ZFAT: variants seen among roughly 807,000 people sequenced by gnomAD.
The protein encoded by ZFAT is zinc finger protein ZFAT.
A neutral mutation model predicts 117.7 loss-of-function variants in ZFAT; 64 were observed. The ratio of observed to expected loss-of-function variants is 0.54; its 90% CI spans 0.44 to 0.67. The LOEUF (loss-of-function observed/expected upper bound fraction) is 0.67, where lower values mean the gene tolerates loss of function less well. Among genes scored for constraint, ZFAT ranks in the 30% least tolerant of loss-of-function variants. ZFAT has a pLI of 0.00. For synonymous variants in ZFAT, 679 were observed against 615.0 expected (o/e 1.10, Z -1.54); for missense variants, 1,433 against 1,584.5 (o/e 0.90, Z 1.62).
chr8:134,754,606 C>A, the ZFAT span, among the ~76,000 whole-genome samples: 39 of 152,234 alleles, frequency 2.6e-4, no homozygotes, highest in Non-Finnish European at 5.1e-4. Context: ...GTCTTGCCTG[C>A]CGTCAATTTT....
the ZFAT span, among the ~76,000 whole-genome samples, chr8:134,730,687 G>T: frequency 6.6e-6 from 1 of 152,118 alleles, no homozygotes; most frequent in African/African-American, 2.4e-5. Flanking sequence ...CAAATTATTG[G>T]AGTTCAAATG....
rs1053294700 is a variant in ZFAT at position 134,565,680 on chromosome 8, G to A, written c.2888-259C>T. On this transcript the variant is annotated intron_variant, in intron 10 of 15. Transcript: ENST00000377838. ...GGAGGCCCCATGAGCAATGACATTC[G>A]ATCAGGCTCCTAAAGAAAGAGTAAG... 1.0e-5 allele frequency: 6 copies of A among 579,456 alleles called. No individual in the cohort carries two copies. In the East Asian group the frequency reaches 1.9e-4, roughly 18 times the overall value. The allele number at this position is 579,456 out of a possible 1,614,324, so 35.9% of individuals were successfully genotyped here. A position where few individuals can be genotyped will look rare whatever the true frequency, so the allele number is the denominator to read the frequency against.
At chr8:134,804,623 A>C in the ZFAT span, among the ~76,000 whole-genome samples, 1 of 152,222 alleles carries the variant, frequency 6.6e-6, no homozygotes, top group Admixed American at 6.5e-5. Flanking sequence ...GGGCAGAAAC[A>C]GGAATAGGCG....
intron 2 of ZFAT, among the ~76,000 whole-genome samples, chr8:134,643,640 T>C (rs1441057265): frequency 6.6e-6 from 1 of 152,244 alleles, no homozygotes; most frequent in African/African-American, 2.4e-5. Context: ...GGCTGTACCC[T>C]GTGTGAGGCG....
intron 3 of ZFAT, among the ~76,000 whole-genome samples, chr8:134,625,145 T>C (rs1829411042): frequency 6.6e-6 from 1 of 152,238 alleles, no homozygotes; most frequent in South Asian, 2.1e-4. Context: ...CCTTAGGCTT[T>C]CTCGCATCCT....
chr8:134,515,155 G>T (rs1820160688), intron 13 of ZFAT, among the ~76,000 whole-genome samples: 1 of 152,204 alleles, frequency 6.6e-6, no homozygotes, highest in African/African-American at 2.4e-5. Context: ...TTTTATGGCT[G>T]CATAGTATTC....
At chr8:134,571,699 C>T (rs1270778678) in intron 10 of ZFAT, among the ~76,000 whole-genome samples, 1 of 152,234 alleles carries the variant, frequency 6.6e-6, no homozygotes, top group Non-Finnish European at 1.5e-5. Flanking sequence ...ACCAAAGCTA[C>T]AAATGCTTTA....
chr8:134,482,980 T>A (rs974014308), intron 15 of ZFAT, among the ~76,000 whole-genome samples: 7 of 152,282 alleles, frequency 4.6e-5, no homozygotes, highest in African/African-American at 1.7e-4. Flanking sequence ...CCCACACAGA[T>A]GTCCACGTCA....
chr8:134,638,907 G>A (rs71528365), intron 2 of ZFAT, among the ~76,000 whole-genome samples: 6 of 148,696 alleles, frequency 4.0e-5, no homozygotes, highest in Non-Finnish European at 7.4e-5. Flanking sequence ...CTGTCTGGCA[G>A]AGGAGTGGCA....
chr8:134,532,533 A>G (rs985702019), intron 12 of ZFAT, among the ~76,000 whole-genome samples: 6 of 152,254 alleles, frequency 3.9e-5, no homozygotes, highest in African/African-American at 1.2e-4. Context: ...ACGCACGGAC[A>G]AAGAATGGAA....
chr8:134,725,831 C>T, the ZFAT span, among the ~76,000 whole-genome samples: 1 of 152,082 alleles, frequency 6.6e-6, no homozygotes, highest in African/African-American at 2.4e-5. Flanking sequence ...GCCTTCAGCT[C>T]ACCACTGTGA....
rs191757521 is a variant in ZFAT, at chr8:134,606,116, G to C, written c.785+2613C>G. On this transcript the variant is annotated intron_variant, in intron 5 of 15. Transcript: ENST00000377838. Reference sequence around the variant, plus strand: ...GCGGTGCCTGCAATAAGAGACTAAGGAAGTGAAAAGAGGCCCAGATGGCTG... The same window carrying C: ...GCGGTGCCTGCAATAAGAGACTAAGCAAGTGAAAAGAGGCCCAGATGGCTG... Among the ~76,000 whole-genome samples, 631 of 152,316 alleles carry C rather than the reference G, an allele frequency of 4.1e-3. 9 individuals are homozygous for C. Among genetic ancestry groups the C allele is most frequent in the African/African-American group, 0.014 (586 of 41,572 alleles).
At chr8:134,726,321 C>A in the ZFAT span, among the ~76,000 whole-genome samples, 1 of 152,192 alleles carries the variant, frequency 6.6e-6, no homozygotes, top group Non-Finnish European at 1.5e-5. Context: ...TGCATCTCTC[C>A]TCCCTTGATT....
In ZFAT at chr8:134,531,503, G is replaced by T. The variant is rs1821403942; in HGVS notation, c.3115+1331C>A. Among the ~76,000 whole-genome samples, 3 of 152,212 alleles carry T rather than the reference G, an allele frequency of 2.0e-5. No individual in the cohort carries two copies. The South Asian group carries it at 6.2e-4, about 32-fold the overall frequency. ...GACTGAACATGTACTGCATGCACGTGTTTTTCCATTTAATCCTCTCCACCA... is the reference window on the plus strand; with the variant it reads ...GACTGAACATGTACTGCATGCACGTTTTTTTCCATTTAATCCTCTCCACCA... On this transcript the variant is annotated intron_variant, in intron 12 of 15. Coordinates refer to ENST00000377838, the MANE Select transcript of ZFAT (RefSeq NM_020863.4).
At chr8:134,641,354 T>C (rs1474852185) in intron 2 of ZFAT, among the ~76,000 whole-genome samples, 2 of 152,198 alleles carry the variant, frequency 1.3e-5, no homozygotes, top group African/African-American at 2.4e-5. Flanking sequence ...CCCGTCTCTT[T>C]TCACTTACTT....
the ZFAT span, among the ~76,000 whole-genome samples, chr8:134,746,758 T>C: frequency 6.6e-6 from 1 of 152,212 alleles, no homozygotes; most frequent in African/African-American, 2.4e-5. Context: ...AGTGTTACAA[T>C]GGACGAGTTG....
In ZFAT at chr8:134,637,956, G is replaced by A. The variant is rs112390523; in HGVS notation, c.197-244C>T. On this transcript the variant is annotated intron_variant, in intron 2 of 15. Coordinates refer to ENST00000377838, the MANE Select transcript of ZFAT (RefSeq NM_020863.4). ...TCAAGACCATCAGTTTATCAGCATC[G>A]CTGTACATCTTTCTCCAGCAATGCT... 7.8e-4 allele frequency among the ~76,000 whole-genome samples: 118 copies of A among 152,220 alleles called. 1 individual carries two copies. The highest frequency in any genetic ancestry group is 2.9e-3 in the Admixed American group (45 of 15,302).
At chr8:134,655,535 C>G (rs1450982431) in intron 2 of ZFAT, among the ~76,000 whole-genome samples, 1 of 151,818 alleles carries the variant, frequency 6.6e-6, no homozygotes, top group Non-Finnish European at 1.5e-5. Context: ...GTAGTCACAG[C>G]TACTCAGGTG....
At chr8:134,512,651 C>A in intron 13 of ZFAT, 50 bp from the exon 14 acceptor site, 2 of 1,580,950 alleles carry the variant, frequency 1.3e-6, no homozygotes, top group Non-Finnish European at 1.7e-6. Context: ...TTGACTGTTG[C>A]CCAGAAGTTC....
Sources: allele counts gnomAD v4.1 joint callset (sites outside exome capture counted in the v4.1 genomes callset), GRCh38; gene constraint gnomAD v4.1.1; transcripts MANE v1.5; gene names NCBI Gene and HGNC (gene_info 2026-07-23, HGNC 2026-07-21).